Variants in BICDL1 observed in about 807,000 individuals in gnomAD.
BICDL1 encodes the protein BICD family-like cargo adapter 1.
Under a neutral mutation model 76.8 loss-of-function variants are expected in BICDL1, and 20 were observed. The ratio of observed to expected loss-of-function variants is 0.26; its 90% CI spans 0.18 to 0.38. The LOEUF (loss-of-function observed/expected upper bound fraction) is 0.38, where lower values mean the gene tolerates loss of function less well. Among genes scored for constraint, BICDL1 ranks in the 10% least tolerant of loss-of-function variants. BICDL1 has a pLI of 1.00. For synonymous variants in BICDL1, 383 were observed against 337.1 expected (o/e 1.14, Z -1.49); for missense variants, 700 against 798.6 (o/e 0.88, Z 1.49).
chr12:120,089,628 C>T (rs571694712), intron 8 of BICDL1, among the ~76,000 whole-genome samples: 7 of 152,030 alleles, frequency 4.6e-5, no homozygotes, highest in South Asian at 2.1e-4. Context: ...GTGATCCACC[C>T]GCCTCGGCCT....
chr12:120,067,908 C>G (rs540575764), intron 4 of BICDL1, among the ~76,000 whole-genome samples: 1 of 152,300 alleles, frequency 6.6e-6, no homozygotes, highest in Non-Finnish European at 1.5e-5. Context: ...GGAGAAGTTC[C>G]CACTGGACCA....
chr12:120,074,649 C>G, intron 7 of BICDL1, 63 bp downstream of exon 7: 1 of 1,012,186 alleles, frequency 9.9e-7, no homozygotes, highest in South Asian at 3.3e-5. Context: ...TCTCTTGGGA[C>G]CCTTTTGAGT....
intron 2 of BICDL1, among the ~76,000 whole-genome samples, chr12:120,032,321 G>A (rs985986860): frequency 2.6e-5 from 4 of 152,188 alleles, no homozygotes; most frequent in African/African-American, 9.6e-5. Context: ...TTTAAAGGGA[G>A]ATTTTTAAAA....
At chr12:120,044,246 T>A (rs1005831114) in intron 2 of BICDL1, among the ~76,000 whole-genome samples, 1 of 152,256 alleles carries the variant, frequency 6.6e-6, no homozygotes, top group East Asian at 1.9e-4. Context: ...ACATTTTAAC[T>A]TTGTAACCTT....
rs1951483570 is a variant in BICDL1 at position 119,990,088 on chromosome 12, G to A, written c.220G>A (p.Glu74Lys). Residue 74 changes from glutamate to lysine, a missense_variant, in exon 1 of 10, where the codon GAA becomes AAA. Physicochemically the swap from Glu to Lys is moderately conservative, Grantham distance 56 (BLOSUM62 1). Coordinates refer to ENST00000548673, the MANE Select transcript of BICDL1 (RefSeq NM_001367886.1). ...CGGGGAGCGGCCGTCCGACCCCGGGGAACACCCTCAGGCCGAGCCTGGGTC... is the reference window on the plus strand; with the variant it reads ...CGGGGAGCGGCCGTCCGACCCCGGGAAACACCCTCAGGCCGAGCCTGGGTC... ...AAGERPSDPG[E>K]HPQAEPGSLA... The A allele has an allele frequency of 6.5e-7, 1 of 1,542,656 alleles. No individual in the cohort carries two copies. Among genetic ancestry groups the A allele is most frequent in the South Asian group, 1.2e-5 (1 of 83,712 alleles).
intron 8 of BICDL1, among the ~76,000 whole-genome samples, chr12:120,086,565 A>G (rs961997319): frequency 2.0e-4 from 31 of 152,204 alleles, no homozygotes; most frequent in Admixed American, 6.5e-5. Context: ...CCTAAGAAAT[A>G]TAACTTCCTT....
intron 1 of BICDL1, among the ~76,000 whole-genome samples, chr12:119,995,686 A>G (rs1264886925): frequency 2.0e-5 from 3 of 152,156 alleles, no homozygotes; most frequent in Non-Finnish European, 4.4e-5. Flanking sequence ...AAGTTTCTAC[A>G]GTGACTAAAA....
In BICDL1 at chr12:120,071,356, G is replaced by A. The variant is rs1274999128; in HGVS notation, c.910-266G>A. ...AGGGTTTCATCATGTTGGCCAGGCT[G>A]GTCTCATACTCCTGACCTTAGGTGA... On this transcript the variant is annotated intron_variant, in intron 4 of 9. Coordinates refer to ENST00000548673, the MANE Select transcript of BICDL1 (RefSeq NM_001367886.1). The surrounding 1 kb of genome is among the most constrained non-coding windows in gnomAD (Gnocchi z 4.8). 6.6e-6 allele frequency among the ~76,000 whole-genome samples: 1 copy of A among 151,910 alleles called. No individual in the cohort carries two copies. The highest frequency in any genetic ancestry group is 1.9e-4 in the East Asian group (1 of 5,178).
intron 2 of BICDL1, among the ~76,000 whole-genome samples, chr12:120,029,595 G>T (rs946348350): frequency 6.6e-6 from 1 of 152,134 alleles, no homozygotes; most frequent in African/African-American, 2.4e-5. Context: ...AAAAGCTTTT[G>T]TAAGTCTTAG....
intron 4 of BICDL1, among the ~76,000 whole-genome samples, chr12:120,065,545 G>A (rs1953202602): frequency 6.6e-6 from 1 of 152,228 alleles, no homozygotes; most frequent in Non-Finnish European, 1.5e-5. Flanking sequence ...CATCACTCCA[G>A]TCTTCCCAGA....
chr12:120,077,016 G>C (rs1873602836), intron 7 of BICDL1, among the ~76,000 whole-genome samples: 2 of 152,190 alleles, frequency 1.3e-5, no homozygotes, highest in African/African-American at 4.8e-5. Flanking sequence ...AGCCCTTTTG[G>C]GGGCAAGGCC....
chr12:120,000,590 A>G (rs1566205221), intron 2 of BICDL1: 2 of 152,234 alleles, frequency 1.3e-5, no homozygotes, highest in Admixed American at 6.5e-5. Flanking sequence ...CAGAAAAATT[A>G]AAGGGGAAAT....
intron 2 of BICDL1, among the ~76,000 whole-genome samples, chr12:120,030,433 G>C (rs1250700062): frequency 6.6e-6 from 1 of 152,142 alleles, no homozygotes; most frequent in African/African-American, 2.4e-5. Flanking sequence ...AGTGAGACAG[G>C]CTTGCGTCAC....
intron 2 of BICDL1, among the ~76,000 whole-genome samples, chr12:120,050,991 T>C (rs1374282649): frequency 6.6e-6 from 1 of 152,158 alleles, no homozygotes; most frequent in Non-Finnish European, 1.5e-5. Context: ...CTTTTCCAAA[T>C]CTGAGAAGGT....
chr12:120,031,839 C>A (rs1952430294), intron 2 of BICDL1, among the ~76,000 whole-genome samples: 1 of 152,148 alleles, frequency 6.6e-6, no homozygotes, highest in Admixed American at 6.6e-5. Context: ...CACCTGTAAT[C>A]CCAGCCTTCA....
rs1309353706 is a variant in BICDL1, at chr12:119,990,017, G to A, written c.149G>A (p.Gly50Glu). 2.0e-6 allele frequency: 3 copies of A among 1,497,696 alleles called. No individual in the cohort carries two copies. The highest frequency in any genetic ancestry group is 1.3e-5 in the South Asian group (1 of 76,960). The allele number at this position is 1,497,696 out of a possible 1,614,324, so 92.8% of individuals were successfully genotyped here. A position where few individuals can be genotyped will look rare whatever the true frequency, so the allele number is the denominator to read the frequency against. The change falls in exon 1 of 10, where the codon GGG (glycine) becomes GAG (glutamate). Residue 50 changes from glycine to glutamate, a missense_variant. Gly to Glu is a moderately conservative substitution (Grantham distance 98). Coordinates refer to ENST00000548673, the MANE Select transcript of BICDL1 (RefSeq NM_001367886.1). ...GCCCTCATCTTCCCCGGGGGCTCCGGGGAGCTAGAACTGGCGTTAGAGGAG... is the reference window on the plus strand; with the variant it reads ...GCCCTCATCTTCCCCGGGGGCTCCGAGGAGCTAGAACTGGCGTTAGAGGAG... The part of the protein sequence containing the change: ...AAALIFPGGS[G>E]ELELALEEEL...
chr12:120,075,132 G>T (rs1410404584), intron 7 of BICDL1, among the ~76,000 whole-genome samples: 1 of 152,128 alleles, frequency 6.6e-6, no homozygotes, highest in Non-Finnish European at 1.5e-5. Context: ...AGGACTTATA[G>T]GCAGCCCCAC....
chr12:120,066,576 T>C (rs975837668), intron 4 of BICDL1, among the ~76,000 whole-genome samples: 5 of 152,178 alleles, frequency 3.3e-5, no homozygotes, highest in African/African-American at 1.2e-4. Context: ...CATGTGCACA[T>C]CCACTGTCTT....
At chr12:120,019,274 GTC>G (rs960002347) in intron 2 of BICDL1, 2 of 151,680 alleles carry the variant, frequency 1.3e-5, no homozygotes, top group African/African-American at 4.8e-5. Flanking sequence ...AAAAAAAAAA[GTC>G]TATCTGGCTT....
Sources: allele counts gnomAD v4.1 joint callset (sites outside exome capture counted in the v4.1 genomes callset), GRCh38; gene constraint gnomAD v4.1.1; non-coding constraint Gnocchi (gnomAD v3.1); transcripts MANE v1.5; gene names NCBI Gene and HGNC (gene_info 2026-07-23, HGNC 2026-07-21).